The following THRB variants were observed in gnomAD, a reference collection of about 807,000 sequenced individuals.
The protein encoded by THRB is nuclear receptor subfamily 1 group A member 2.
Under a neutral mutation model 47.8 loss-of-function variants are expected in THRB, and 12 were observed. That is an observed-to-expected ratio of 0.25 (90% CI 0.16 to 0.41). THRB has a LOEUF of 0.41. Ranked by LOEUF, THRB falls within the 10% of genes least tolerant of loss-of-function variation. The pLI, the probability that THRB is intolerant of heterozygous loss-of-function variation, is 1.00. For synonymous variants in THRB, 218 were observed against 212.2 expected (o/e 1.03, Z -0.24); for missense variants, 348 against 589.2 (o/e 0.59, Z 4.24).
intron 1 of THRB, among the ~76,000 whole-genome samples, chr3:24,446,958 T>G (rs1053826875): frequency 6.6e-6 from 1 of 152,164 alleles, no homozygotes; most frequent in African/African-American, 2.4e-5. Flanking sequence ...AGAGTCAAGA[T>G]AGTTGTTGTC....
Position 24,174,858 on chromosome 3 carries a change from C to T in THRB, c.283+15216G>A, listed in dbSNP as rs142875611. On this transcript the variant is annotated intron_variant, in intron 5 of 10. Transcript: ENST00000646209. ...AAGGAAACTGAGACTCAGGGAGGTT[C>T]CATAACTTGCCCACAGTCATAAGAC... 4.6e-3 allele frequency among the ~76,000 whole-genome samples: 701 copies of T among 152,260 alleles called. 3 individuals carry two copies. Among genetic ancestry groups the T allele is most frequent in the Non-Finnish European group, 8.5e-3 (575 of 68,014 alleles).
intron 4 of THRB, among the ~76,000 whole-genome samples, chr3:24,201,739 T>C (rs953568309): frequency 2.0e-5 from 3 of 152,226 alleles, no homozygotes; most frequent in Non-Finnish European, 4.4e-5. Context: ...GTGTATTTGA[T>C]GTCTTTATTT....
intron 4 of THRB, among the ~76,000 whole-genome samples, chr3:24,196,592 C>T (rs1254996081): frequency 3.9e-5 from 6 of 152,062 alleles, no homozygotes; most frequent in African/African-American, 1.2e-4. Flanking sequence ...AGCATTCCCC[C>T]CACCCCAAAA....
chr3:24,399,573 C>T (rs904622431), intron 1 of THRB, among the ~76,000 whole-genome samples: 2 of 152,146 alleles, frequency 1.3e-5, no homozygotes, highest in African/African-American at 4.8e-5. Context: ...TTGAAGCTGG[C>T]CCTGTCAAAA....
At chr3:24,278,723 G>A (rs1164752282) in intron 3 of THRB, among the ~76,000 whole-genome samples, 1 of 152,188 alleles carries the variant, frequency 6.6e-6, no homozygotes, top group Non-Finnish European at 1.5e-5. Flanking sequence ...TTGTGGGCAA[G>A]AACCTTGTCT....
chr3:24,183,372 T>C (rs1480624577), intron 5 of THRB, among the ~76,000 whole-genome samples: 4 of 135,724 alleles, frequency 2.9e-5, no homozygotes, highest in Non-Finnish European at 6.3e-5. Flanking sequence ...TCTTTTCTTT[T>C]TTTTTTTTTT....
chr3:24,458,944 T>G (rs2073437705), intron 1 of THRB: 1 of 150,960 alleles, frequency 6.6e-6, no homozygotes, highest in South Asian at 2.1e-4. Flanking sequence ...TATTTATTAT[T>G]TATTTATAAA....
chr3:24,493,379 C>T (rs1698480584), intron 1 of THRB, among the ~76,000 whole-genome samples: 1 of 152,148 alleles, frequency 6.6e-6, no homozygotes, highest in Admixed American at 6.5e-5. Context: ...AAACTAAAGC[C>T]AAATAATGTG....
chr3:24,493,739 A>G (rs1698547631), intron 1 of THRB, among the ~76,000 whole-genome samples: 1 of 152,126 alleles, frequency 6.6e-6, no homozygotes. Context: ...CATTTGGGGA[A>G]ACTTGTACAT....
intron 1 of THRB, among the ~76,000 whole-genome samples, chr3:24,396,517 G>T (rs1188960990): frequency 6.6e-6 from 1 of 152,066 alleles, no homozygotes; most frequent in Non-Finnish European, 1.5e-5. Context: ...TCACTGTGAT[G>T]CTAATTGTCA....
chr3:24,441,996 T>C (rs765271484), intron 1 of THRB, among the ~76,000 whole-genome samples: 2 of 152,188 alleles, frequency 1.3e-5, no homozygotes, highest in African/African-American at 2.4e-5. Context: ...TTTTCACCAA[T>C]GAGGATTCTG....
intron 3 of THRB, among the ~76,000 whole-genome samples, chr3:24,279,679 G>A (rs1044992577): frequency 3.3e-5 from 5 of 152,008 alleles, no homozygotes; most frequent in African/African-American, 4.8e-5. Flanking sequence ...ACAGGCGTGA[G>A]CCACCGTGCC....
chr3:24,326,608 G>A (rs956678680), intron 2 of THRB, among the ~76,000 whole-genome samples: 1 of 152,030 alleles, frequency 6.6e-6, no homozygotes, highest in Non-Finnish European at 1.5e-5. Context: ...GTTTTGCATA[G>A]AGAAAAGCTT....
intron 2 of THRB, among the ~76,000 whole-genome samples, chr3:24,313,905 C>T (rs1321716025): frequency 6.6e-6 from 1 of 152,076 alleles, no homozygotes; most frequent in African/African-American, 2.4e-5. Flanking sequence ...ATTGTAGCTT[C>T]CCACACAAAG....
chr3:24,409,965 G>A (rs1203565881), intron 1 of THRB, among the ~76,000 whole-genome samples: 1 of 151,820 alleles, frequency 6.6e-6, no homozygotes, highest in African/African-American at 2.4e-5. Flanking sequence ...CCTTTGATGA[G>A]GTGAGGTAAA....
In THRB at chr3:24,345,743, G is replaced by C. The variant is rs190200463; in HGVS notation, c.-260-8372C>G. Reference sequence around the variant, plus strand: ...AACTCAATACAAAAACCCAGGAAAAGAAGGGATGGTTCTAAGTGCCCCTAG... The same window carrying C: ...AACTCAATACAAAAACCCAGGAAAACAAGGGATGGTTCTAAGTGCCCCTAG... On this transcript the variant is annotated intron_variant, in intron 1 of 10. Transcript: ENST00000646209. Among the ~76,000 whole-genome samples the C allele has an allele frequency of 4.6e-5, 7 of 152,228 alleles. No individual in the cohort carries two copies. In the East Asian group the frequency reaches 1.4e-3, roughly 29 times the overall value.
intron 4 of THRB, among the ~76,000 whole-genome samples, chr3:24,200,754 T>G (rs1381318339): frequency 6.6e-6 from 1 of 152,206 alleles, no homozygotes; most frequent in Admixed American, 6.5e-5. Flanking sequence ...AGTTTGGTTT[T>G]TTCTTTGGTT....
chr3:24,325,053 C>A (rs2058718084), intron 2 of THRB, among the ~76,000 whole-genome samples: 1 of 152,184 alleles, frequency 6.6e-6, no homozygotes, highest in African/African-American at 2.4e-5. Context: ...GTATTAAATT[C>A]TTGCTTCTTG....
intron 6 of THRB, among the ~76,000 whole-genome samples, chr3:24,151,278 T>A: frequency 6.6e-6 from 1 of 152,190 alleles, no homozygotes; most frequent in Admixed American, 6.5e-5. Flanking sequence ...ATGGAAAATC[T>A]TCCACTAGGG....
Sources: gnomAD v4.1 joint callset for allele counts (sites outside exome capture counted in the v4.1 genomes callset) on GRCh38, gnomAD v4.1.1 for gene constraint, MANE v1.5 for transcripts, NCBI Gene and HGNC (gene_info 2026-07-23, HGNC 2026-07-21) for gene names.